LUZP2: variants seen among roughly 807,000 people sequenced by gnomAD.
The protein encoded by LUZP2 is leucine zipper protein 2.
A neutral mutation model predicts 51.6 loss-of-function variants in LUZP2; 52 were observed. That is an observed-to-expected ratio of 1.01 (90% CI 0.81 to 1.27). The LOEUF (loss-of-function observed/expected upper bound fraction) is 1.27, where lower values mean the gene tolerates loss of function less well. LUZP2 is among the 50% of genes most tolerant of loss of function. The probability of loss-of-function intolerance (pLI) is 0.00; values close to 1 mark genes in which losing one functional copy is unlikely to be tolerated. For missense variants in LUZP2, 436 were observed against 395.4 expected (o/e 1.10, Z -0.87); for synonymous variants, 154 against 137.3 (o/e 1.12, Z -0.85).
intron 1 of LUZP2, among the ~76,000 whole-genome samples, chr11:24,627,116 A>G (rs1394881611): frequency 6.6e-6 from 1 of 152,186 alleles, no homozygotes; most frequent in Non-Finnish European, 1.5e-5. Flanking sequence ...CTCTCCTAAT[A>G]CAAGATGTGA....
At chr11:24,576,975 T>A (rs1449063909) in intron 1 of LUZP2, among the ~76,000 whole-genome samples, 1 of 152,066 alleles carries the variant, frequency 6.6e-6, no homozygotes, top group Non-Finnish European at 1.5e-5. Flanking sequence ...TTGATGGGAC[T>A]GGTTAAAGAA....
At chr11:24,751,937 A>G (rs1859605618) in intron 4 of LUZP2, among the ~76,000 whole-genome samples, 1 of 152,144 alleles carries the variant, frequency 6.6e-6, no homozygotes, top group African/African-American at 2.4e-5. Flanking sequence ...ACTACTTGAT[A>G]ATGTTAACTG....
In LUZP2 at chr11:24,604,475, C is replaced by A. The variant is rs182389846; in HGVS notation, c.62+107170C>A. Among the ~76,000 whole-genome samples, 24 of 151,894 alleles carry A rather than the reference C, an allele frequency of 1.6e-4. 1 individual carries two copies. Among genetic ancestry groups the A allele is most frequent in the Admixed American group, 1.5e-3 (23 of 15,210 alleles). On this transcript the variant is annotated intron_variant, in intron 1 of 11. Coordinates refer to ENST00000336930, the MANE Select transcript of LUZP2 (RefSeq NM_001009909.4). ...TAATATTAAAACACCGTTTAGCTTT[C>A]TTTCCTAGTATGCAATTTTTTCTTC...
intron 7 of LUZP2, among the ~76,000 whole-genome samples, chr11:24,931,319 C>T (rs1476952974): frequency 6.6e-6 from 1 of 151,890 alleles, no homozygotes; most frequent in African/African-American, 2.4e-5. Flanking sequence ...ATTCAAAAGC[C>T]TTTACTTTGA....
intron 7 of LUZP2, among the ~76,000 whole-genome samples, chr11:24,914,989 C>T (rs145258649): frequency 3.3e-5 from 5 of 152,200 alleles, no homozygotes; most frequent in African/African-American, 1.2e-4. Context: ...ATTAGTAATG[C>T]ATCAACTTTC....
intron 1 of LUZP2, among the ~76,000 whole-genome samples, chr11:24,577,536 C>T (rs943032358): frequency 6.6e-6 from 1 of 151,762 alleles, no homozygotes; most frequent in Non-Finnish European, 1.5e-5. Flanking sequence ...AGGATTAAGG[C>T]TATCTTTGAA....
intron 5 of LUZP2, among the ~76,000 whole-genome samples, chr11:24,848,965 C>G (rs1851295646): frequency 6.6e-6 from 1 of 151,926 alleles, no homozygotes; most frequent in Non-Finnish European, 1.5e-5. Context: ...ATGACAAACC[C>G]ACAGCAAAAC....
intron 1 of LUZP2, among the ~76,000 whole-genome samples, chr11:24,532,998 C>T (rs950068167): frequency 6.6e-6 from 1 of 151,184 alleles, no homozygotes; most frequent in African/African-American, 2.4e-5. Context: ...CTTCTACAGT[C>T]AATTTGTTCT....
At chr11:24,884,859 C>G (rs749149) in intron 5 of LUZP2, among the ~76,000 whole-genome samples, 73,850 of 151,794 alleles carry the variant, frequency 0.49, 18,421 homozygotes, top group East Asian at 0.69. Context: ...TTGCCCCATT[C>G]CCAGAACATA....
At chr11:24,530,820 C>T (rs1850969979) in intron 1 of LUZP2, among the ~76,000 whole-genome samples, 1 of 125,938 alleles carries the variant, frequency 7.9e-6, no homozygotes, top group African/African-American at 2.9e-5. Context: ...TGACTTCACA[C>T]TCTCCTGGTT....
intron 1 of LUZP2, among the ~76,000 whole-genome samples, chr11:24,511,454 T>G (rs530058971): frequency 6.6e-6 from 1 of 152,262 alleles, no homozygotes; most frequent in Admixed American, 6.5e-5. Flanking sequence ...AGAATCACTA[T>G]TTCAGCTTAC....
chr11:24,788,278 C>T (rs1159585600), intron 5 of LUZP2, among the ~76,000 whole-genome samples: 2 of 148,926 alleles, frequency 1.3e-5, no homozygotes, highest in East Asian at 2.0e-4. Flanking sequence ...CAACCTCTGC[C>T]TCCCAGGTTC....
At chr11:24,860,242 C>G (rs1565006382) in intron 5 of LUZP2, among the ~76,000 whole-genome samples, 1 of 152,144 alleles carries the variant, frequency 6.6e-6, no homozygotes, top group Non-Finnish European at 1.5e-5. Flanking sequence ...GTGGGGCTTC[C>G]CTGCAGGAAC....
intron 1 of LUZP2, among the ~76,000 whole-genome samples, chr11:24,577,615 G>GA (rs201887962): frequency 6.6e-6 from 1 of 151,056 alleles, no homozygotes; most frequent in Non-Finnish European, 1.5e-5. Flanking sequence ...GAAAAAGAAA[G>GA]AAAAAAAAGA....
intron 7 of LUZP2, among the ~76,000 whole-genome samples, chr11:24,974,007 T>A (rs1209876089): frequency 2.0e-5 from 3 of 152,112 alleles, no homozygotes; most frequent in African/African-American, 7.2e-5. Flanking sequence ...TCTGTCTTGG[T>A]GATGTGTCTA....
intron 1 of LUZP2, among the ~76,000 whole-genome samples, chr11:24,591,563 T>G (rs1251883524): frequency 6.6e-6 from 1 of 152,190 alleles, no homozygotes; most frequent in Non-Finnish European, 1.5e-5. Context: ...TAGAGTCAAC[T>G]TTGCTCAAAG....
intron 1 of LUZP2, among the ~76,000 whole-genome samples, chr11:24,525,553 G>T (rs1299474215): frequency 6.6e-6 from 1 of 151,442 alleles, no homozygotes; most frequent in African/African-American, 2.4e-5. Flanking sequence ...TCAGATTAAA[G>T]TTCCTTTAAT....
chr11:24,885,113 A>T (rs1453509646), intron 5 of LUZP2, among the ~76,000 whole-genome samples: 1 of 151,976 alleles, frequency 6.6e-6, no homozygotes, highest in African/African-American at 2.4e-5. Flanking sequence ...TTTATGATAA[A>T]CTCTTCTTTA....
At position 24,671,826 on chromosome 11, in the gene LUZP2, G is replaced by A. The variant is rs116866637; in HGVS notation, c.63-57343G>A. On this transcript the variant is annotated intron_variant, in intron 1 of 11. Coordinates refer to ENST00000336930, the MANE Select transcript of LUZP2 (RefSeq NM_001009909.4). ...CTAATGACTATAAAACATAAAGGTA[G>A]CCCATGTAATCAATAGGCTAAATGA... Among the ~76,000 whole-genome samples, 7 of 152,160 alleles carry A rather than the reference G, an allele frequency of 4.6e-5. No homozygotes were observed. In the East Asian group the frequency reaches 1.3e-3, roughly 29 times the overall value.
Sources: allele counts gnomAD v4.1 joint callset (sites outside exome capture counted in the v4.1 genomes callset), GRCh38; gene constraint gnomAD v4.1.1; transcripts MANE v1.5; gene names NCBI Gene and HGNC (gene_info 2026-07-23, HGNC 2026-07-21).